RGS17: variants seen among roughly 807,000 people sequenced by gnomAD.
RGS17 encodes regulator of G protein signaling 17, also known as regulator of G-protein signaling 17.
In RGS17, 12 loss-of-function variants were observed where a neutral mutation model predicts 25.5. The observed-to-expected ratio is 0.47, with a 90% CI of 0.30 to 0.76. The LOEUF (loss-of-function observed/expected upper bound fraction) is 0.76, where lower values mean the gene tolerates loss of function less well. RGS17 is among the 30% of genes least tolerant of loss of function. The pLI is 0.07. For synonymous variants in RGS17, 71 were observed against 76.9 expected, an observed-to-expected ratio of 0.92 and a Z score of 0.40; for missense variants, 196 against 242.2, an observed-to-expected ratio of 0.81 and a Z score of 1.27.
At chr6:153,067,199 C>T (rs184110192) in intron 1 of RGS17, among the ~76,000 whole-genome samples, 1 of 152,126 alleles carries the variant, frequency 6.6e-6, no homozygotes, top group African/African-American at 2.4e-5. Context: ...AGAAACACAG[C>T]TAGTATACTG....
At chr6:153,122,850 T>C (rs12206274) in intron 1 of RGS17, among the ~76,000 whole-genome samples, 3 of 150,948 alleles carry the variant, frequency 2.0e-5, no homozygotes, top group Non-Finnish European at 4.4e-5. Flanking sequence ...CATAAGAGAG[T>C]GTGGGGAAAA....
intron 1 of RGS17, among the ~76,000 whole-genome samples, chr6:153,058,829 A>G (rs1776598750): frequency 6.6e-6 from 1 of 152,020 alleles, no homozygotes; most frequent in African/African-American, 2.4e-5. Flanking sequence ...TTAGTTCATG[A>G]CCCATTTACC....
chr6:153,028,999 G>A (rs192100215), intron 2 of RGS17, among the ~76,000 whole-genome samples: 9 of 152,226 alleles, frequency 5.9e-5, no homozygotes, highest in Admixed American at 3.3e-4. Context: ...CATGAATTCT[G>A]GCTCTTCTAT....
At chr6:153,046,754 T>C (rs963398378) in intron 1 of RGS17, among the ~76,000 whole-genome samples, 1 of 151,918 alleles carries the variant, frequency 6.6e-6, no homozygotes, top group Non-Finnish European at 1.5e-5. Context: ...GGCCCCAATA[T>C]ATACCCAACA....
intron 4 of RGS17, among the ~76,000 whole-genome samples, chr6:153,022,277 TA>T (rs1158582026): frequency 1.3e-5 from 2 of 152,174 alleles, no homozygotes; most frequent in African/African-American, 4.8e-5. Flanking sequence ...AGTTTATATT[TA>T]AATAATCACT....
intron 1 of RGS17, among the ~76,000 whole-genome samples, chr6:153,086,889 T>A (rs1777060171): frequency 6.6e-6 from 1 of 152,232 alleles, no homozygotes; most frequent in African/African-American, 2.4e-5. Flanking sequence ...GTTGGTAGTA[T>A]AATTTACACT....
chr6:153,121,647 T>G (rs1584168149), intron 1 of RGS17, among the ~76,000 whole-genome samples: 1 of 152,216 alleles, frequency 6.6e-6, no homozygotes, highest in Non-Finnish European at 1.5e-5. Flanking sequence ...TCATACACAT[T>G]TATTCACTGC....
intron 2 of RGS17, among the ~76,000 whole-genome samples, chr6:153,036,702 A>G (rs1776247508): frequency 6.6e-6 from 1 of 152,160 alleles, no homozygotes; most frequent in African/African-American, 2.4e-5. Flanking sequence ...CCAGCAACCC[A>G]GCTACTCATG....
chr6:153,094,678 GTA>G (rs1777182256), intron 1 of RGS17, among the ~76,000 whole-genome samples: 2 of 152,132 alleles, frequency 1.3e-5, no homozygotes, highest in Non-Finnish European at 1.5e-5. Context: ...CGATATGTCA[GTA>G]ATTTGAAAAT....
intron 1 of RGS17, among the ~76,000 whole-genome samples, chr6:153,052,509 G>A (rs1776475407): frequency 6.6e-6 from 1 of 151,768 alleles, no homozygotes; most frequent in South Asian, 2.1e-4. Flanking sequence ...ATTAAAAGTA[G>A]CAAAAATCGC....
At chr6:153,116,431 T>C (rs954480781) in intron 1 of RGS17, among the ~76,000 whole-genome samples, 1 of 152,142 alleles carries the variant, frequency 6.6e-6, no homozygotes, top group Non-Finnish European at 1.5e-5. Context: ...CAACAGATGC[T>C]GGAGAGGATG....
chr6:153,101,739 G>A (rs1254898413), intron 1 of RGS17, among the ~76,000 whole-genome samples: 5 of 152,216 alleles, frequency 3.3e-5, no homozygotes, highest in Admixed American at 2.6e-4. Flanking sequence ...GTGATAGTGA[G>A]TGAGTTCTCG....
chr6:153,097,430 G>A (rs1341874742), intron 1 of RGS17, among the ~76,000 whole-genome samples: 3 of 149,828 alleles, frequency 2.0e-5, no homozygotes, highest in African/African-American at 4.9e-5. Context: ...TCCCACAATA[G>A]TGATTTATAA....
In RGS17 at chr6:153,036,719, A is replaced by T. The variant is rs141780164; in HGVS notation, c.119+7181T>A. Among the ~76,000 whole-genome samples the T allele has an allele frequency of 8.5e-4, 129 of 152,308 alleles. No homozygotes were observed. In the South Asian group the frequency reaches 8.5e-3, roughly 10 times the overall value. ...AGCAACCCAGCTACTCATGCAAGCA[A>T]TATGGAGTCATCCTTCTCTTTCTTG... On this transcript the variant is annotated intron_variant, in intron 2 of 4. Transcript: ENST00000206262.
Position 153,008,030 on chromosome 6 carries a change from A to G in RGS17, c.*3544T>C, listed in dbSNP as rs1046534227. 6.6e-6 allele frequency: 1 copy of G among 152,250 alleles called. No individual in the cohort carries two copies. Among genetic ancestry groups the G allele is most frequent in the Admixed American group, 6.5e-5 (1 of 15,290 alleles). The allele number at this position is 152,250 out of a possible 1,614,324, so 9.4% of individuals were successfully genotyped here. A position where few individuals can be genotyped will look rare whatever the true frequency, so the allele number is the denominator to read the frequency against. On this transcript the variant is annotated 3_prime_UTR_variant, in exon 5 of 5. Transcript: ENST00000206262. ...AGATATAATTTGTCACAATTACAAT[A>G]TGATTTTTTAAAGTATAAATAAGTT...
intron 1 of RGS17, among the ~76,000 whole-genome samples, chr6:153,112,503 G>A (rs973606698): frequency 1.3e-5 from 2 of 152,132 alleles, no homozygotes; most frequent in African/African-American, 4.8e-5. Flanking sequence ...CACTCTTCAG[G>A]ATATTATCCA....
chr6:153,004,796 T>G lies in RGS17; in HGVS notation c.*6778A>C, dbSNP rs903105524. The G allele has an allele frequency of 7.2e-5, 11 of 152,170 alleles. No homozygotes were observed. Among genetic ancestry groups the G allele is most frequent in the African/African-American group, 2.7e-4 (11 of 41,470 alleles). 9.4% of individuals were successfully genotyped at this position (152,170 alleles called of 1,614,324 possible). On this transcript the variant is annotated 3_prime_UTR_variant, in exon 5 of 5. Transcript: ENST00000206262. The stretch of plus-strand genomic sequence containing the variant: ...CATAATCTGGATTATCTATTCAATT[T>G]GTGAATACCCACCGTTATTCTGGCA...
At chr6:153,043,752 C>A in intron 2 of RGS17, 148 bp downstream of exon 2, 4 of 550,284 alleles carry the variant, frequency 7.3e-6, no homozygotes, top group Non-Finnish European at 6.4e-6. Context: ...TGCATTAAAC[C>A]AATGATAGTC....
chr6:153,012,677 G>A (rs145664420), intron 4 of RGS17, among the ~76,000 whole-genome samples: 4 of 152,260 alleles, frequency 2.6e-5, no homozygotes, highest in African/African-American at 9.6e-5. Flanking sequence ...ACCACTCAAA[G>A]TCCAGATTGT....
Sources: allele counts gnomAD v4.1 joint callset (sites outside exome capture counted in the v4.1 genomes callset), GRCh38; gene constraint gnomAD v4.1.1; transcripts MANE v1.5; gene names NCBI Gene and HGNC (gene_info 2026-07-23, HGNC 2026-07-21).